RGS12: variants seen among roughly 807,000 people sequenced by gnomAD.
RGS12 encodes the protein regulator of G protein signaling 12, also known as regulator of G-protein signaling 12.
In RGS12, 66 loss-of-function variants were observed where a neutral mutation model predicts 120.1. The ratio of observed to expected loss-of-function variants is 0.55; its 90% CI spans 0.45 to 0.67. The LOEUF is 0.67. Ranked by LOEUF, RGS12 falls within the 30% of genes least tolerant of loss-of-function variation. The pLI is 0.00. For missense variants in RGS12, 1,859 were observed against 1,957.7 expected, an observed-to-expected ratio of 0.95 and a Z score of 0.95; for synonymous variants, 827 against 804.7, an observed-to-expected ratio of 1.03 and a Z score of -0.47.
chr4:3,409,831 C>T (rs114879502), intron 4 of RGS12, among the ~76,000 whole-genome samples: 9 of 152,332 alleles, frequency 5.9e-5, no homozygotes, highest in Admixed American at 2.0e-4. Context: ...CCTGTCTTCC[C>T]GTCCTGGTTC....
At chr4:3,380,566 A>G (rs1420758040) in intron 3 of RGS12, among the ~76,000 whole-genome samples, 9 of 152,164 alleles carry the variant, frequency 5.9e-5, no homozygotes, top group South Asian at 4.1e-4. Flanking sequence ...AGGCATTTCC[A>G]TGCATCCTCT....
At chr4:3,311,689 G>T (rs1393519548) in intron 1 of RGS12, among the ~76,000 whole-genome samples, 2 of 152,182 alleles carry the variant, frequency 1.3e-5, no homozygotes, top group Non-Finnish European at 1.5e-5. Context: ...TTACCCTCAG[G>T]CTGTGTGTAT....
intron 3 of RGS12, among the ~76,000 whole-genome samples, chr4:3,344,926 C>T (rs929463577): frequency 1.3e-5 from 2 of 152,220 alleles, no homozygotes; most frequent in Non-Finnish European, 2.9e-5. Context: ...ATCTGAGCAG[C>T]CTTCCCAAGT....
In RGS12 at chr4:3,316,478, A is replaced by T; in HGVS notation, c.308A>T (p.Glu103Val). 6.2e-7 allele frequency: 1 copy of T among 1,614,190 alleles called. No homozygotes were observed. The highest frequency in any genetic ancestry group is 2.2e-5 in the East Asian group (1 of 44,886). Residue 103 changes from glutamate (E) to valine (V), a missense_variant, in exon 2 of 18, where the codon GAA becomes GTA. Glu to Val is a moderately radical substitution (Grantham distance 121, BLOSUM62 -2). This residue lies in a region of RGS12 where 967 missense variants were observed against 994.2 expected (regional missense o/e 0.97). Coordinates refer to ENST00000336727, the MANE Select transcript of RGS12 (RefSeq NM_001394154.1). ...MVIAEGVGRF[E>V]SCSSDEEGGL... ...ATTGCTGAAGGCGTCGGCCGCTTCGAATCCTGTTCCAGTGATGAAGAAGGG... is the reference window on the plus strand; with the variant it reads ...ATTGCTGAAGGCGTCGGCCGCTTCGTATCCTGTTCCAGTGATGAAGAAGGG...
intron 3 of RGS12, among the ~76,000 whole-genome samples, chr4:3,344,164 G>T (rs1035214862): frequency 2.0e-4 from 30 of 152,218 alleles, no homozygotes; most frequent in Middle Eastern, 3.2e-3. Flanking sequence ...AGGAGAAAAG[G>T]TGGCTTCAGG....
At chr4:3,402,349 G>A (rs1342132980) in intron 4 of RGS12, among the ~76,000 whole-genome samples, 1 of 152,002 alleles carries the variant, frequency 6.6e-6, no homozygotes, top group Admixed American at 6.6e-5. Context: ...CCTCTTTTTG[G>A]CTTATGGGGT....
intron 14 of RGS12, among the ~76,000 whole-genome samples, chr4:3,427,523 G>A (rs1445358524): frequency 6.6e-6 from 1 of 152,200 alleles, no homozygotes; most frequent in Non-Finnish European, 1.5e-5. Flanking sequence ...ATCACCTGAG[G>A]TCAGGAGTTC....
intron 3 of RGS12, among the ~76,000 whole-genome samples, chr4:3,361,305 G>T (rs1448508784): frequency 6.6e-6 from 1 of 152,108 alleles, no homozygotes; most frequent in Non-Finnish European, 1.5e-5. Flanking sequence ...AACGGGGTGA[G>T]GGCTACGTGG....
intron 3 of RGS12, among the ~76,000 whole-genome samples, chr4:3,346,388 G>A (rs916354319): frequency 2.6e-5 from 4 of 152,230 alleles, no homozygotes; most frequent in Non-Finnish European, 4.4e-5. Context: ...TTTATAATAT[G>A]GACTCTTATT....
rs116634551 is a variant in RGS12, at chr4:3,372,492, C to T, written c.1999-13924C>T. 0.012 allele frequency among the ~76,000 whole-genome samples: 1,902 copies of T among 152,318 alleles called. 42 individuals carry two copies. Among genetic ancestry groups the T allele is most frequent in the African/African-American group, 0.044 (1,816 of 41,552 alleles). ...GAGCCGCCCGAGCTGTTGGCTTCCC[C>T]GATGTTCCCCCTGTGCTCGAGCTAG... On this transcript the variant is annotated intron_variant, in intron 3 of 17. Transcript: ENST00000336727. The surrounding 1 kb of genome is among the most constrained non-coding windows in gnomAD (Gnocchi z 4.3).
intron 3 of RGS12, chr4:3,385,740 C>G (rs114562426): frequency 0.019 from 2,932 of 153,578 alleles, 104 homozygotes; most frequent in African/African-American, 0.062. Flanking sequence ...TCCTCCAGCC[C>G]CTTCCACTGT....
intron 2 of RGS12, among the ~76,000 whole-genome samples, chr4:3,336,669 G>A (rs928554579): frequency 1.3e-5 from 2 of 152,148 alleles, no homozygotes; most frequent in Admixed American, 6.5e-5. Flanking sequence ...AATTGGTTAG[G>A]AATTTTTAGT....
intron 4 of RGS12, among the ~76,000 whole-genome samples, chr4:3,398,990 A>G (rs527582572): frequency 2.2e-4 from 33 of 152,228 alleles, no homozygotes; most frequent in Admixed American, 5.2e-4. Flanking sequence ...AATGATAACA[A>G]AAAAGAATTC....
At chr4:3,435,527 C>T (rs1414972517) in intron 17 of RGS12, among the ~76,000 whole-genome samples, 2 of 151,432 alleles carry the variant, frequency 1.3e-5, no homozygotes, top group East Asian at 2.0e-4. Flanking sequence ...CCCCTCTCCC[C>T]AGAGCCCCCT....
At chr4:3,309,585 C>A (rs113254070) in intron 1 of RGS12, among the ~76,000 whole-genome samples, 2,192 of 86,396 alleles carry the variant, frequency 0.025, no homozygotes, top group Middle Eastern at 0.04. Flanking sequence ...CTGAGGGGAA[C>A]TGTGTTGAGG....
upstream of RGS12, among the ~76,000 whole-genome samples, chr4:3,292,846 C>G (rs987138126): frequency 7.2e-5 from 11 of 152,060 alleles, no homozygotes; most frequent in African/African-American, 2.4e-4. Context: ...CTGGCAGTCC[C>G]GTTACCACGC....
intron 2 of RGS12, among the ~76,000 whole-genome samples, chr4:3,338,503 C>G (rs185647957): frequency 2.0e-5 from 3 of 152,356 alleles, no homozygotes; most frequent in Non-Finnish European, 2.9e-5. Flanking sequence ...GTAGTAATGC[C>G]GGTTGACCGG....
chr4:3,398,854 G>A (rs368964776), intron 4 of RGS12, among the ~76,000 whole-genome samples: 1 of 152,114 alleles, frequency 6.6e-6, no homozygotes, highest in Admixed American at 6.5e-5. Flanking sequence ...TCTAAAGTAC[G>A]TGGAACATTT....
At chr4:3,439,414 C>T (rs1357382513) in intron 17 of RGS12, 41 bp from the exon 18 acceptor site, 1 of 1,607,614 alleles carries the variant, frequency 6.2e-7, no homozygotes, top group Non-Finnish European at 8.5e-7. Flanking sequence ...GGGCCCAGGG[C>T]CGGGCCAGGC....
Sources: gnomAD v4.1 joint callset for allele counts (sites outside exome capture counted in the v4.1 genomes callset) on GRCh38, gnomAD v4.1.1 for gene constraint, gnomAD v4.1.1 regional missense constraint, Gnocchi (gnomAD v3.1) non-coding constraint, MANE v1.5 for transcripts, NCBI Gene and HGNC (gene_info 2026-07-23, HGNC 2026-07-21) for gene names.